The following RAB3D variants were observed in gnomAD, a reference collection of about 807,000 sequenced individuals.
RAB3D encodes RAB3D, member RAS oncogene family.
Under a neutral mutation model 19.3 loss-of-function variants are expected in RAB3D, and 17 were observed. The observed-to-expected ratio is 0.88, with a 90% CI of 0.60 to 1.32. The LOEUF (loss-of-function observed/expected upper bound fraction) is 1.32, where lower values mean the gene tolerates loss of function less well. Among genes scored for constraint, RAB3D ranks in the 40% most tolerant of loss-of-function variants. The pLI is 0.00. For missense variants in RAB3D, 223 were observed against 299.1 expected, an observed-to-expected ratio of 0.75 and a Z score of 1.88; for synonymous variants, 103 against 119.9, an observed-to-expected ratio of 0.86 and a Z score of 0.92.
rs760313797 is a variant in RAB3D at position 11,337,437 on chromosome 19, C to T, written c.-38G>A. 2 of 1,572,742 alleles carry T rather than the reference C, an allele frequency of 1.3e-6. No homozygotes were observed. Among genetic ancestry groups the T allele is most frequent in the African/African-American group, 2.7e-5 (2 of 74,104 alleles). On this transcript the variant is annotated 5_prime_UTR_variant, in exon 2 of 5. Coordinates refer to ENST00000222120, the MANE Select transcript of RAB3D (RefSeq NM_004283.4). The stretch of plus-strand genomic sequence containing the variant: ...CTCCTGGGACAGGGAGACCTGAAAT[C>T]CTCAGGGAGAGGAGACGGGCGTCCT...
At position 11,337,171 on chromosome 19, in the gene RAB3D, C is replaced by T. The variant is rs779297287; in HGVS notation, c.228+1G>A. The T allele has an allele frequency of 6.2e-7, 1 of 1,613,538 alleles. No individual in the cohort carries two copies. The highest frequency in any genetic ancestry group is 1.1e-5 in the South Asian group (1 of 91,064). On this transcript the variant is annotated splice_donor_variant, in intron 2 of 4. Transcript: ENST00000222120. LOFTEE classifies it high-confidence loss of function. Reference sequence around the variant, plus strand: ...AACCCACAGCCAGCCTCCCAGCCTACCCAGATCTGCAGCTTGATCCTCTTG... The same window carrying T: ...AACCCACAGCCAGCCTCCCAGCCTATCCAGATCTGCAGCTTGATCCTCTTG...
Position 11,325,349 on chromosome 19 carries a change from A to C in RAB3D, c.*49T>G, listed in dbSNP as rs557052434. ...CCACTGTGGCTCACGCCTCGATCAC[A>C]GTCCCTGCCGAGGCAGGAGAGGGGT... On this transcript the variant is annotated 3_prime_UTR_variant, in exon 5 of 5. Coordinates refer to ENST00000222120, the MANE Select transcript of RAB3D (RefSeq NM_004283.4). The C allele has an allele frequency of 8.4e-7, 1 of 1,196,756 alleles. No homozygotes were observed. Among genetic ancestry groups the C allele is most frequent in the African/African-American group, 1.7e-5 (1 of 57,622 alleles). 74.1% of individuals were successfully genotyped at this position (1,196,756 alleles called of 1,614,324 possible).
rs889092877 is a variant in RAB3D, at chr19:11,324,977, A to G, written c.*421T>C. On this transcript the variant is annotated 3_prime_UTR_variant, in exon 5 of 5. Transcript: ENST00000222120. ...TCCAAGAACCCACACTGTGCGAGGA[A>G]GATGAACCATCTTCCACCAGCTTGG... The G allele has an allele frequency of 6.3e-6, 1 of 157,932 alleles. No homozygotes were observed. The highest frequency in any genetic ancestry group is 1.4e-5 in the Non-Finnish European group (1 of 71,048). The allele number at this position is 157,932 out of a possible 1,614,324, so 9.8% of individuals were successfully genotyped here. A position where few individuals can be genotyped will look rare whatever the true frequency, so the allele number is the denominator to read the frequency against.
At chr19:11,335,398 G>A (rs1471379412) in intron 4 of RAB3D, 49 bp downstream of exon 4, 1 of 1,607,886 alleles carries the variant, frequency 6.2e-7, no homozygotes, top group Admixed American at 1.7e-5. Context: ...ATGGGGATGA[G>A]GGTTTGGTTC....
At chr19:11,337,991 T>A (rs1337761316) in intron 1 of RAB3D, among the ~76,000 whole-genome samples, 1 of 152,136 alleles carries the variant, frequency 6.6e-6, no homozygotes, top group East Asian at 1.9e-4. Context: ...GTTTCTTTAT[T>A]CATTCAACAA....
intron 4 of RAB3D, among the ~76,000 whole-genome samples, chr19:11,330,028 T>C (rs2080830292): frequency 6.6e-6 from 1 of 152,160 alleles, no homozygotes; most frequent in Non-Finnish European, 1.5e-5. Context: ...AGAATCCCCC[T>C]TTACCCCGAG....
In RAB3D at chr19:11,325,526, G is replaced by A. The variant is rs750538732; in HGVS notation, c.532C>T (p.Arg178Cys). The change falls in exon 5 of 5, where the codon CGC becomes TGC. Residue 178 changes from arginine to cysteine, a missense_variant. Transcript: ENST00000222120. Reference sequence around the variant, plus strand: ...TTCTCGCAGATGACATCCACCAGGCGCTCGAAGACCTGCTTCACATTGATG... The same window carrying A: ...TTCTCGCAGATGACATCCACCAGGCACTCGAAGACCTGCTTCACATTGATG... ...ENINVKQVFE[R>C]LVDVICEKMN... is the part of the protein sequence containing the mutation. The A allele has an allele frequency of 6.3e-5, 102 of 1,613,516 alleles. No individual in the cohort carries two copies. Among genetic ancestry groups the A allele is most frequent in the Non-Finnish European group, 8.0e-5 (94 of 1,180,002 alleles).
intron 4 of RAB3D, among the ~76,000 whole-genome samples, chr19:11,332,534 C>A (rs907969942): frequency 6.6e-6 from 1 of 152,130 alleles, no homozygotes; most frequent in Non-Finnish European, 1.5e-5. Context: ...TTTGTAGAGA[C>A]AGGGTTTACC....
At chr19:11,332,081 C>T (rs960869703) in intron 4 of RAB3D, among the ~76,000 whole-genome samples, 3 of 152,138 alleles carry the variant, frequency 2.0e-5, no homozygotes, top group African/African-American at 7.2e-5. Context: ...TTACCCAGGC[C>T]GGAGTGCAAT....
chr19:11,330,398 A>G (rs563802841), intron 4 of RAB3D, among the ~76,000 whole-genome samples: 1 of 152,306 alleles, frequency 6.6e-6, no homozygotes, highest in South Asian at 2.1e-4. Flanking sequence ...AAAAATAGCA[A>G]CCATAGACAA....
At chr19:11,328,541 G>A (rs903733777) in intron 4 of RAB3D, among the ~76,000 whole-genome samples, 8 of 152,014 alleles carry the variant, frequency 5.3e-5, no homozygotes, top group African/African-American at 1.7e-4. Context: ...CAGCTACTCA[G>A]GAGGCTGAGG....
intron 4 of RAB3D, chr19:11,327,118 T>C (rs928038321): frequency 2.7e-6 from 1 of 373,152 alleles, no homozygotes; most frequent in African/African-American, 2.1e-5. Context: ...AGCTGTGTAA[T>C]TACCCATTTA....
chr19:11,329,211 C>T (rs1221008364), intron 4 of RAB3D, among the ~76,000 whole-genome samples: 1 of 152,118 alleles, frequency 6.6e-6, no homozygotes, highest in Non-Finnish European at 1.5e-5. Flanking sequence ...AGCCACCATG[C>T]CCAGCCTTTA....
rs561811385 is a variant in RAB3D at position 11,331,309 on chromosome 19, T to C, written c.472+4138A>G. Among the ~76,000 whole-genome samples, 6 of 152,018 alleles carry C rather than the reference T, an allele frequency of 3.9e-5. No homozygotes were observed. In the South Asian group the frequency reaches 6.2e-4, roughly 16 times the overall value. ...AGACTCCGTGTAAAAAAAAAATTCT[T>C]TTAAAAGGGTATAGCTGTGTCTCAG... is the stretch of plus-strand genomic sequence containing the variant. On this transcript the variant is annotated intron_variant, in intron 4 of 4. Transcript: ENST00000222120.
chr19:11,335,342 C>G, intron 4 of RAB3D, 105 bp downstream of exon 4: 1 of 1,498,784 alleles, frequency 6.7e-7, no homozygotes, highest in Non-Finnish European at 9.0e-7. Flanking sequence ...TCTTCCTGGG[C>G]AGATCCTCAA....
chr19:11,326,191 C>T (rs1256153515), intron 4 of RAB3D, among the ~76,000 whole-genome samples: 3 of 151,448 alleles, frequency 2.0e-5, no homozygotes, highest in Admixed American at 6.6e-5. Flanking sequence ...CACTGTACTC[C>T]AGCCTGGGCA....
Position 11,335,484 on chromosome 19 carries a change from C to T in RAB3D, c.435G>A (p.Val145=), listed in dbSNP as rs761115900. ...NKCDLEDERV[V]PAEDGRRLAD... ...CGAGCCTCCGGCCATCCTCAGCAGG[C>T]ACAACACGTTCGTCCTCCAGGTCAC... Residue 145 remains valine, a synonymous_variant, in exon 4 of 5, where the codon GTG becomes GTA. Transcript: ENST00000222120. 11 of 1,614,208 alleles carry T rather than the reference C, an allele frequency of 6.8e-6. No homozygotes were observed. The Admixed American group carries it at 1.8e-4, about 27-fold the overall frequency.
At chr19:11,327,103 G>T (rs1045215363) in intron 4 of RAB3D, 1 of 400,068 alleles carries the variant, frequency 2.5e-6, no homozygotes, top group Admixed American at 4.4e-5. Flanking sequence ...GAATCATAAT[G>T]AGTTAGCTGT....
Position 11,329,650 on chromosome 19 carries a change from T to A in RAB3D, c.473-4065A>T, listed in dbSNP as rs761497369. Among the ~76,000 whole-genome samples the A allele has an allele frequency of 4.0e-5, 6 of 151,596 alleles. No homozygotes were observed. In the South Asian group the frequency reaches 6.3e-4, roughly 16 times the overall value. Reference sequence around the variant, plus strand: ...AAAAGAAAAGAAAAAAAAATTGGGATCAAATTCTGTGTCCTGCTTTGTATG... The same window carrying A: ...AAAAGAAAAGAAAAAAAAATTGGGAACAAATTCTGTGTCCTGCTTTGTATG... On this transcript the variant is annotated intron_variant, in intron 4 of 4. Coordinates refer to ENST00000222120, the MANE Select transcript of RAB3D (RefSeq NM_004283.4).
Sources: allele counts gnomAD v4.1 joint callset (sites outside exome capture counted in the v4.1 genomes callset), GRCh38; gene constraint gnomAD v4.1.1; transcripts MANE v1.5; gene names NCBI Gene and HGNC (gene_info 2026-07-23, HGNC 2026-07-21).